Variants in SMURF1 observed in about 807,000 individuals in gnomAD.
The protein encoded by SMURF1 is E3 ubiquitin-protein ligase SMURF1.
In SMURF1, 44 loss-of-function variants were observed where a neutral mutation model predicts 98.0. The ratio of observed to expected loss-of-function variants is 0.45; its 90% CI spans 0.35 to 0.58. The LOEUF is 0.58. SMURF1 is among the 20% of genes least tolerant of loss of function. The probability of loss-of-function intolerance (pLI) is 0.00; values close to 1 mark genes in which losing one functional copy is unlikely to be tolerated. For missense variants in SMURF1, 687 were observed against 938.4 expected (o/e 0.73, Z 3.50); for synonymous variants, 396 against 374.9 (o/e 1.06, Z -0.65).
intron 8 of SMURF1, 158 bp from the exon 9 acceptor site, chr7:99,049,867 C>T: frequency 1.5e-6 from 1 of 661,714 alleles, no homozygotes; most frequent in Non-Finnish European, 2.5e-6. Flanking sequence ...CAAACCTCTA[C>T]TCAGTCCAGG....
At chr7:99,093,415 T>C (rs1165163846) in intron 1 of SMURF1, among the ~76,000 whole-genome samples, 1 of 152,020 alleles carries the variant, frequency 6.6e-6, no homozygotes, top group African/African-American at 2.4e-5. Context: ...GGTGAGAAAA[T>C]GGAAAGGATT....
intron 1 of SMURF1, among the ~76,000 whole-genome samples, chr7:99,066,323 G>A (rs1376111164): frequency 6.6e-6 from 1 of 152,194 alleles, no homozygotes; most frequent in Non-Finnish European, 1.5e-5. Context: ...CTGGTTTTTG[G>A]AGGTGCTGGT....
chr7:99,052,471 C>A, intron 6 of SMURF1, 25 bp from the exon 7 acceptor site: 1 of 1,502,982 alleles, frequency 6.7e-7, no homozygotes, highest in Non-Finnish European at 8.9e-7. Context: ...AGCAGGCAGG[C>A]ATGGTGTCAC....
intron 1 of SMURF1, among the ~76,000 whole-genome samples, chr7:99,129,941 T>G (rs1303976447): frequency 6.6e-6 from 1 of 152,224 alleles, no homozygotes; most frequent in African/African-American, 2.4e-5. Context: ...GAACAGACAT[T>G]AATTCAAAGA....
intron 17 of SMURF1, 63 bp downstream of exon 17, chr7:99,032,974 A>AC: frequency 6.5e-7 from 1 of 1,530,998 alleles, no homozygotes; most frequent in Non-Finnish European, 8.9e-7. Context: ...CAAAAAAAAA[A>AC]CGTGAACGTC....
At chr7:99,050,892 GGT>G (rs867520538) in intron 8 of SMURF1, 2 of 1,236,250 alleles carry the variant, frequency 1.6e-6, no homozygotes, top group South Asian at 2.7e-5. Context: ...TCTGTTATGG[GGT>G]GGGGGGGGGG....
intron 1 of SMURF1, among the ~76,000 whole-genome samples, chr7:99,122,745 C>CTTTTTTTTT (rs373204946): frequency 1.8e-5 from 2 of 112,432 alleles, no homozygotes; most frequent in African/African-American, 7.1e-5. Flanking sequence ...TTCTTTCTTT[C>CTTTTTTTTT]TTTTTTTTTT....
intron 1 of SMURF1, among the ~76,000 whole-genome samples, chr7:99,125,345 C>T (rs1009841649): frequency 6.6e-6 from 1 of 152,190 alleles, no homozygotes; most frequent in Non-Finnish European, 1.5e-5. Flanking sequence ...CCTTGGCCTC[C>T]CACAGTGCTG....
chr7:99,034,062 T>A (rs1260985311), intron 16 of SMURF1, among the ~76,000 whole-genome samples: 2 of 152,218 alleles, frequency 1.3e-5, no homozygotes, highest in Non-Finnish European at 2.9e-5. Context: ...GCAGAGGGTC[T>A]CAGTGTGCAG....
intron 6 of SMURF1, among the ~76,000 whole-genome samples, chr7:99,052,956 C>T (rs920268873): frequency 6.6e-6 from 1 of 152,110 alleles, no homozygotes; most frequent in African/African-American, 2.4e-5. Flanking sequence ...CCCAGCTACT[C>T]GGGAGGCTGA....
intron 5 of SMURF1, among the ~76,000 whole-genome samples, chr7:99,055,947 C>G (rs1231903834): frequency 1.3e-5 from 2 of 151,886 alleles, no homozygotes; most frequent in African/African-American, 2.4e-5. Context: ...GCCTGGGCGA[C>G]AGAGCAAGAC....
intron 1 of SMURF1, among the ~76,000 whole-genome samples, chr7:99,138,107 CAA>C (rs10711307): frequency 0.06 from 9,038 of 149,678 alleles, 348 homozygotes; most frequent in African/African-American, 0.1. Context: ...TGTTCAGTGA[CAA>C]AAAAAAAAAA....
In SMURF1 at chr7:99,028,218, AT is replaced by A. The variant is rs1225189855; in HGVS notation, c.*2365del. 1 of 152,598 alleles carries A rather than the reference AT, an allele frequency of 6.6e-6. No homozygotes were observed. Among genetic ancestry groups the A allele is most frequent in the Non-Finnish European group, 1.5e-5 (1 of 68,074 alleles). 9.5% of individuals were successfully genotyped at this position (152,598 alleles called of 1,614,324 possible). On this transcript the variant is annotated 3_prime_UTR_variant, in exon 18 of 18. Transcript: ENST00000361368. The stretch of plus-strand genomic sequence containing the variant: ...GTAGAACAGTCGGGAAGCTTTTACC[AT>A]TTGCTTTGCCATGTTGAGTTCTTTG...
chr7:99,135,072 T>C (rs955599788), intron 1 of SMURF1, among the ~76,000 whole-genome samples: 3 of 152,230 alleles, frequency 2.0e-5, no homozygotes, highest in Non-Finnish European at 4.4e-5. Flanking sequence ...AATATGAGTA[T>C]GTACTTTGAA....
In SMURF1 at chr7:99,038,660, G is replaced by C. The variant is rs1030503304; in HGVS notation, c.1551-135C>G. 3.1e-6 allele frequency: 3 copies of C among 970,362 alleles called. No homozygotes were observed. The African/African-American group carries it at 4.9e-5, about 16-fold the overall frequency. The allele number at this position is 970,362 out of a possible 1,614,324, so 60.1% of individuals were successfully genotyped here. On this transcript the variant is annotated intron_variant, in intron 13 of 17. Transcript: ENST00000361368. ...AGCCTCGGGCAGACACAGAACCTGC[G>C]TGGGGGTGGCACAGCAACAGGTGCT... is the stretch of plus-strand genomic sequence containing the variant.
At chr7:99,039,210 AAAAAAAAAAAT>A (rs1218992543) in intron 13 of SMURF1, among the ~76,000 whole-genome samples, 2 of 143,072 alleles carry the variant, frequency 1.4e-5, no homozygotes, top group Non-Finnish European at 3.1e-5. Flanking sequence ...AAAAAAAAAA[AAAAAAAAAAAT>A]ACTGTTCCTC....
chr7:99,029,410 AAG>A lies in SMURF1; in HGVS notation c.*1172_*1173del, dbSNP rs1366667866. On this transcript the variant is annotated 3_prime_UTR_variant, in exon 18 of 18. Transcript: ENST00000361368. ...TGCTTCTGGCCTTGCTCATCATATGAAGACATCTGGGCAAGTGAACCGAGTAG... is the reference window on the plus strand; with the variant it reads ...TGCTTCTGGCCTTGCTCATCATATGAACATCTGGGCAAGTGAACCGAGTAG... The A allele has an allele frequency of 6.6e-6, 1 of 152,240 alleles. No individual in the cohort carries two copies. Among genetic ancestry groups the A allele is most frequent in the Non-Finnish European group, 1.5e-5 (1 of 68,050 alleles). The allele number at this position is 152,240 out of a possible 1,614,324, so 9.4% of individuals were successfully genotyped here. A position where few individuals can be genotyped will look rare whatever the true frequency, so the allele number is the denominator to read the frequency against.
intron 1 of SMURF1, among the ~76,000 whole-genome samples, chr7:99,137,378 C>CT (rs1383714943): frequency 6.6e-6 from 1 of 152,220 alleles, no homozygotes. Flanking sequence ...ACCCCCTCCC[C>CT]TTTCTTCATT....
At chr7:99,091,337 T>A (rs1386730591) in intron 1 of SMURF1, among the ~76,000 whole-genome samples, 2 of 152,168 alleles carry the variant, frequency 1.3e-5, no homozygotes, top group Non-Finnish European at 2.9e-5. Flanking sequence ...TAAGAAATAA[T>A]CACTCCACAA....
Sources: gnomAD v4.1 joint callset for allele counts (sites outside exome capture counted in the v4.1 genomes callset) on GRCh38, gnomAD v4.1.1 for gene constraint, MANE v1.5 for transcripts, NCBI Gene and HGNC (gene_info 2026-07-23, HGNC 2026-07-21) for gene names.